Variants in EDAR observed in about 807,000 individuals in gnomAD.
EDAR encodes the protein ectodysplasin A receptor, also known as tumor necrosis factor receptor superfamily member EDAR.
Under a neutral mutation model 51.3 loss-of-function variants are expected in EDAR, and 38 were observed. That is an observed-to-expected ratio of 0.74 (90% CI 0.57 to 0.97). The LOEUF (loss-of-function observed/expected upper bound fraction) is 0.97, where lower values mean the gene tolerates loss of function less well. Ranked by LOEUF, EDAR falls within the 50% of genes least tolerant of loss-of-function variation. EDAR has a pLI of 0.00. For synonymous variants in EDAR, 227 were observed against 242.1 expected (o/e 0.94, Z 0.58); for missense variants, 528 against 595.0 (o/e 0.89, Z 1.17).
chr2:108,982,831 G>A (rs1322879526), intron 1 of EDAR, among the ~76,000 whole-genome samples: 1 of 152,174 alleles, frequency 6.6e-6, no homozygotes, highest in African/African-American at 2.4e-5. Context: ...CTTAGTGAGT[G>A]CTGGCGGGAA....
chr2:108,897,332 T>G, intron 11 of EDAR, 103 bp from the exon 12 acceptor site: 2 of 1,170,096 alleles, frequency 1.7e-6, no homozygotes, highest in South Asian at 2.9e-5. Flanking sequence ...TGAAAAAAAT[T>G]TTTTTAAAAT....
At chr2:108,979,559 G>A (rs1698387738) in intron 1 of EDAR, among the ~76,000 whole-genome samples, 1 of 152,048 alleles carries the variant, frequency 6.6e-6, no homozygotes. Context: ...GTAAGCTAGG[G>A]GCATGTCAGG....
chr2:108,958,008 C>T (rs1308521260), intron 1 of EDAR, among the ~76,000 whole-genome samples: 3 of 152,246 alleles, frequency 2.0e-5, no homozygotes, highest in Non-Finnish European at 4.4e-5. Context: ...TTAAGCAGCC[C>T]TTTGGATTAA....
intron 1 of EDAR, among the ~76,000 whole-genome samples, chr2:108,973,287 C>T (rs1698266617): frequency 6.6e-6 from 1 of 152,204 alleles, no homozygotes; most frequent in Non-Finnish European, 1.5e-5. Context: ...CGCACCTGGC[C>T]TCAGCATGTG....
At position 108,896,694 on chromosome 2, in the gene EDAR, G is replaced by A; in HGVS notation, c.*213C>T. ...ATTTACTCTGCCTGGTGAGGTACAGGCGAGCATCTGAAAGTATCCCGGCTC... is the reference window on the plus strand; with the variant it reads ...ATTTACTCTGCCTGGTGAGGTACAGACGAGCATCTGAAAGTATCCCGGCTC... On this transcript the variant is annotated 3_prime_UTR_variant, in exon 12 of 12. Transcript: ENST00000258443. 3.4e-6 allele frequency: 2 copies of A among 590,020 alleles called. No individual in the cohort carries two copies. Among genetic ancestry groups the A allele is most frequent in the Non-Finnish European group, 6.0e-6 (2 of 332,686 alleles). The allele number at this position is 590,020 out of a possible 1,614,324, so 36.5% of individuals were successfully genotyped here.
chr2:108,913,811 G>A (rs368247263), intron 5 of EDAR, among the ~76,000 whole-genome samples: 2 of 151,992 alleles, frequency 1.3e-5, no homozygotes, highest in African/African-American at 4.8e-5. Flanking sequence ...TTAGCCGGGC[G>A]TGGTGGCAGG....
intron 1 of EDAR, among the ~76,000 whole-genome samples, chr2:108,957,137 C>T (rs1697941847): frequency 6.6e-6 from 1 of 152,246 alleles, no homozygotes. Flanking sequence ...ACACTTTCCC[C>T]AGGCCTCAAT....
chr2:108,938,303 C>A (rs971245005), intron 1 of EDAR, among the ~76,000 whole-genome samples: 3 of 152,192 alleles, frequency 2.0e-5, no homozygotes, highest in African/African-American at 7.2e-5. Context: ...TTCTGAACAC[C>A]AACATGGTTA....
rs553834373 is a variant in EDAR, at chr2:108,934,090, C to T, written c.-18-3058G>A. On this transcript the variant is annotated intron_variant, in intron 1 of 11. Transcript: ENST00000258443. ...GGGCCTGCCGCACCTTAGTGTCAAC[C>T]AGGAGCACTTATCGAAAGGCGCAAT... Among the ~76,000 whole-genome samples, 264 of 152,286 alleles carry T rather than the reference C, an allele frequency of 1.7e-3. 1 individual carries two copies. The highest frequency in any genetic ancestry group is 2.3e-3 in the Non-Finnish European group (154 of 68,030).
chr2:108,919,529 T>A (rs968611656), intron 5 of EDAR, among the ~76,000 whole-genome samples: 1 of 152,176 alleles, frequency 6.6e-6, no homozygotes, highest in African/African-American at 2.4e-5. Flanking sequence ...CAGCTAATTT[T>A]GTATTTTTAG....
At chr2:108,985,071 A>G (rs1422600502) in intron 1 of EDAR, among the ~76,000 whole-genome samples, 1 of 152,152 alleles carries the variant, frequency 6.6e-6, no homozygotes, top group Non-Finnish European at 1.5e-5. Context: ...CTATCCTAAG[A>G]AAGTGCTTTC....
At chr2:108,926,963 G>A (rs1697267946) in intron 4 of EDAR, among the ~76,000 whole-genome samples, 1 of 152,230 alleles carries the variant, frequency 6.6e-6, no homozygotes, top group South Asian at 2.1e-4. Flanking sequence ...GGGCCTCCAG[G>A]GTCCTACCCT....
chr2:108,910,752 G>A (rs188529241), intron 8 of EDAR, 24 bp downstream of exon 8: 21 of 1,611,628 alleles, frequency 1.3e-5, no homozygotes, highest in South Asian at 2.2e-5. Context: ...TGCACATGGT[G>A]TGTGGAAGCC....
At chr2:108,947,897 C>T (rs1395605228) in intron 1 of EDAR, among the ~76,000 whole-genome samples, 1 of 152,192 alleles carries the variant, frequency 6.6e-6, no homozygotes, top group South Asian at 2.1e-4. Context: ...GTTTGAATTC[C>T]TCCCCAGAAA....
At position 108,908,068 on chromosome 2, in the gene EDAR, G is replaced by A. The variant is rs1696846769; in HGVS notation, c.804-49C>T. The A allele has an allele frequency of 3.2e-6, 5 of 1,547,876 alleles. No individual in the cohort carries two copies. The East Asian group carries it at 1.2e-4, about 36-fold the overall frequency. ...ATTAGCAGTGCCTGGGGGGGCTGCA[G>A]CCCTGACAAGTTCTCCTGTGGTGAA... On this transcript the variant is annotated intron_variant, in intron 9 of 11. Coordinates refer to ENST00000258443, the MANE Select transcript of EDAR (RefSeq NM_022336.4).
chr2:108,900,377 GAAACC>G (rs1196005011), intron 11 of EDAR, among the ~76,000 whole-genome samples: 2 of 152,102 alleles, frequency 1.3e-5, no homozygotes, highest in African/African-American at 4.8e-5. Flanking sequence ...TCAACACGGT[GAAACC>G]CTGTTTCTAC....
At chr2:108,932,638 A>G (rs957179313) in intron 1 of EDAR, among the ~76,000 whole-genome samples, 1 of 151,970 alleles carries the variant, frequency 6.6e-6, no homozygotes. Flanking sequence ...GCAAAAGACC[A>G]AGGGCCCTGT....
chr2:108,986,163 GT>G lies in EDAR; in HGVS notation c.-19+2796del, dbSNP rs1049306461. Among the ~76,000 whole-genome samples, 7 of 151,626 alleles carry G rather than the reference GT, an allele frequency of 4.6e-5. No homozygotes were observed. The East Asian group carries it at 5.8e-4, about 13-fold the overall frequency. The stretch of plus-strand genomic sequence containing the variant: ...GCCTGAGCCCCAAATGCCATTTTGA[GT>G]TTTTTTTTAGTTACTAGACTATCTT... On this transcript the variant is annotated intron_variant, in intron 1 of 11. Coordinates refer to ENST00000258443, the MANE Select transcript of EDAR (RefSeq NM_022336.4).
At chr2:108,940,232 G>A (rs1303367608) in intron 1 of EDAR, 1 of 152,302 alleles carries the variant, frequency 6.6e-6, no homozygotes, top group African/African-American at 2.4e-5. Flanking sequence ...GCCTGCAGAG[G>A]GCTTGCTGCT....
Sources: gnomAD v4.1 joint callset for allele counts (sites outside exome capture counted in the v4.1 genomes callset) on GRCh38, gnomAD v4.1.1 for gene constraint, MANE v1.5 for transcripts, NCBI Gene and HGNC (gene_info 2026-07-23, HGNC 2026-07-21) for gene names.